The following RPN2 variants were observed in gnomAD, a reference collection of about 807,000 sequenced individuals.
RPN2 encodes the protein ribophorin II.
RPN2 carries 29 observed loss-of-function variants against 71.4 expected under a neutral mutation model. The ratio of observed to expected loss-of-function variants is 0.41; its 90% CI spans 0.30 to 0.55. The LOEUF (loss-of-function observed/expected upper bound fraction) is 0.55, where lower values mean the gene tolerates loss of function less well. Ranked by LOEUF, RPN2 falls within the 20% of genes least tolerant of loss-of-function variation. The probability of loss-of-function intolerance (pLI) is 0.35; values close to 1 mark genes in which losing one functional copy is unlikely to be tolerated. For missense variants in RPN2, 726 were observed against 774.1 expected (o/e 0.94, Z 0.74); for synonymous variants, 308 against 305.0 (o/e 1.01, Z -0.10).
chr20:37,184,019 G>A, intron 1 of RPN2, 161 bp from the exon 2 acceptor site: 4 of 777,604 alleles, frequency 5.1e-6, no homozygotes, highest in Non-Finnish European at 6.5e-6. Context: ...TGAAGAGCAG[G>A]CTCCCTGCCT....
chr20:37,179,431 G>A lies in RPN2; in HGVS notation c.13+62G>A, dbSNP rs199988728. 2,742 of 419,518 alleles carry A rather than the reference G, an allele frequency of 6.5e-3. 4 individuals carry two copies. Among genetic ancestry groups the A allele is most frequent in the Non-Finnish European group, 7.5e-3 (2,578 of 341,792 alleles). 26.0% of individuals were successfully genotyped at this position (419,518 alleles called of 1,614,324 possible). A position where few individuals can be genotyped will look rare whatever the true frequency, so the allele number is the denominator to read the frequency against. On this transcript the variant is annotated intron_variant, in intron 1 of 16. Transcript: ENST00000237530. ...CGCCCGCGGGAGGTTACTAGTCGCC[G>A]CTCGAGAGCCGGCCAGGCGGGATCC...
intron 8 of RPN2, among the ~76,000 whole-genome samples, chr20:37,213,538 T>G (rs1196037042): frequency 6.6e-6 from 1 of 152,014 alleles, no homozygotes; most frequent in African/African-American, 2.4e-5. Context: ...TGTGGTGAGC[T>G]GTGATCGTGC....
Position 37,184,255 on chromosome 20 carries a change from C to T in RPN2, c.89C>T (p.Thr30Ile). The stretch of plus-strand genomic sequence containing the variant: ...GCTCTGACGCCCACTCACTACCTCA[C>T]CAAGCATGACGTGGAGAGACTAAAA... ...TWALTPTHYL[T>I]KHDVERLKAS... Residue 30 changes from threonine to isoleucine, a missense_variant, in exon 2 of 17, where the codon ACC (threonine) becomes ATC (isoleucine). Thr to Ile is a moderately conservative substitution (Grantham distance 89, BLOSUM62 -1). Coordinates refer to ENST00000237530, the MANE Select transcript of RPN2 (RefSeq NM_002951.5). The T allele has an allele frequency of 6.2e-7, 1 of 1,614,218 alleles. No individual in the cohort carries two copies. Among genetic ancestry groups the T allele is most frequent in the Non-Finnish European group, 8.5e-7 (1 of 1,180,044 alleles).
intron 9 of RPN2, among the ~76,000 whole-genome samples, chr20:37,223,207 G>C (rs886480018): frequency 6.6e-6 from 1 of 152,212 alleles, no homozygotes; most frequent in African/African-American, 2.4e-5. Context: ...TTGACTCCAT[G>C]GGGGCAGGGA....
chr20:37,215,003 G>C (rs2067773433), intron 9 of RPN2, among the ~76,000 whole-genome samples: 1 of 151,982 alleles, frequency 6.6e-6, no homozygotes, highest in Non-Finnish European at 1.5e-5. Flanking sequence ...AAATAACTGT[G>C]TTTTATACCA....
intron 1 of RPN2, among the ~76,000 whole-genome samples, chr20:37,180,541 G>A (rs1317962352): frequency 6.6e-6 from 1 of 152,156 alleles, no homozygotes; most frequent in African/African-American, 2.4e-5. Flanking sequence ...TGCTGTTTTA[G>A]GGGAATTTAC....
chr20:37,203,679 G>A (rs769635725), intron 4 of RPN2, among the ~76,000 whole-genome samples: 70 of 152,128 alleles, frequency 4.6e-4, no homozygotes, highest in Admixed American at 7.2e-4. Context: ...CTGTTGCCTG[G>A]GTTGCCTTCT....
chr20:37,221,931 A>G (rs2067968504), intron 9 of RPN2, among the ~76,000 whole-genome samples: 1 of 152,198 alleles, frequency 6.6e-6, no homozygotes, highest in East Asian at 1.9e-4. Context: ...GGTTTATTAT[A>G]ATTATGGTTT....
intron 7 of RPN2, among the ~76,000 whole-genome samples, chr20:37,209,683 T>C (rs2067608565): frequency 6.6e-6 from 1 of 151,784 alleles, no homozygotes; most frequent in African/African-American, 2.4e-5. Flanking sequence ...GGTCTTGCCA[T>C]GTTGCCCACG....
intron 9 of RPN2, among the ~76,000 whole-genome samples, chr20:37,218,113 T>TAA (rs1441272885): frequency 8.5e-5 from 13 of 152,212 alleles, no homozygotes; most frequent in South Asian, 2.1e-4. Flanking sequence ...GTTTACCAAT[T>TAA]AAAAGTATGT....
Position 37,204,879 on chromosome 20 carries a change from G to A in RPN2, c.668G>A (p.Gly223Glu). 1 of 1,614,072 alleles carries A rather than the reference G, an allele frequency of 6.2e-7. No individual in the cohort carries two copies. The highest frequency in any genetic ancestry group is 1.1e-5 in the South Asian group (1 of 91,076). Reference sequence around the variant, plus strand: ...ACCTACAAGCTCATGGATCATGTGGGGACTGAGCCATCCATTAAGGAGGTA... The same window carrying A: ...ACCTACAAGCTCATGGATCATGTGGAGACTGAGCCATCCATTAAGGAGGTA... The part of the protein sequence containing the change: ...AATYKLMDHV[G>E]TEPSIKEDQV... Residue 223 changes from glycine to glutamate, a missense_variant, in exon 6 of 17, where the codon GGG (glycine) becomes GAG (glutamate). By Grantham distance (98) the Gly-to-Glu change is moderately conservative. Coordinates refer to ENST00000237530, the MANE Select transcript of RPN2 (RefSeq NM_002951.5).
chr20:37,235,872 A>G (rs1311022238), intron 15 of RPN2, among the ~76,000 whole-genome samples: 3 of 152,106 alleles, frequency 2.0e-5, no homozygotes, highest in Admixed American at 6.6e-5. Context: ...GTGGTCTCGA[A>G]TGCCTGACCT....
chr20:37,207,827 G>A (rs989283722), intron 7 of RPN2, among the ~76,000 whole-genome samples: 3 of 152,010 alleles, frequency 2.0e-5, no homozygotes, highest in South Asian at 2.1e-4. Context: ...GATCACAGGC[G>A]CACACCACCA....
At chr20:37,183,271 A>C (rs993319343) in intron 1 of RPN2, among the ~76,000 whole-genome samples, 1 of 152,002 alleles carries the variant, frequency 6.6e-6, no homozygotes, top group Admixed American at 6.6e-5. Context: ...GTTGGCAACA[A>C]TGGCGCATTC....
At chr20:37,180,006 C>A (rs2066815746) in intron 1 of RPN2, among the ~76,000 whole-genome samples, 1 of 152,192 alleles carries the variant, frequency 6.6e-6, no homozygotes, top group South Asian at 2.1e-4. Context: ...AAATAATCTT[C>A]GTGCTTAGTT....
At chr20:37,207,521 T>C (rs2146598150) in intron 7 of RPN2, 72 bp downstream of exon 7, 2 of 1,437,948 alleles carry the variant, frequency 1.4e-6, no homozygotes, top group Non-Finnish European at 2.0e-6. Flanking sequence ...AAATCTGGAC[T>C]ATGGTCACAG....
intron 5 of RPN2, among the ~76,000 whole-genome samples, chr20:37,204,399 A>G (rs2067464472): frequency 6.6e-6 from 1 of 152,180 alleles, no homozygotes; most frequent in Non-Finnish European, 1.5e-5. Flanking sequence ...GTTGTATTCA[A>G]ATGGATGGCC....
At chr20:37,185,866 C>T (rs1169293310) in intron 2 of RPN2, among the ~76,000 whole-genome samples, 3 of 152,228 alleles carry the variant, frequency 2.0e-5, no homozygotes, top group African/African-American at 7.2e-5. Flanking sequence ...CTCCTGAGGT[C>T]AAAGTGAAGG....
chr20:37,202,542 C>T (rs1201042507), intron 4 of RPN2, among the ~76,000 whole-genome samples: 1 of 152,176 alleles, frequency 6.6e-6, no homozygotes, highest in Non-Finnish European at 1.5e-5. Context: ...ATCTGTTTAA[C>T]CACCAGGGGG....
Sources: gnomAD v4.1 joint callset for allele counts (sites outside exome capture counted in the v4.1 genomes callset) on GRCh38, gnomAD v4.1.1 for gene constraint, MANE v1.5 for transcripts, NCBI Gene and HGNC (gene_info 2026-07-23, HGNC 2026-07-21) for gene names.